The following NCKIPSD variants were observed in gnomAD, a reference collection of about 807,000 sequenced individuals.
NCKIPSD encodes NCK-interacting protein with SH3 domain.
In NCKIPSD, 48 loss-of-function variants were observed where a neutral mutation model predicts 73.4. The ratio of observed to expected loss-of-function variants is 0.65; its 90% confidence interval spans 0.52 to 0.83. NCKIPSD has a LOEUF of 0.83. NCKIPSD is among the 40% of genes least tolerant of loss of function. The pLI is 0.00. For missense variants in NCKIPSD, 884 were observed against 970.2 expected (o/e 0.91, Z 1.18); for synonymous variants, 422 against 403.6 (o/e 1.05, Z -0.54).
chr3:48,676,785 A>T (rs896213631), intron 12 of NCKIPSD, among the ~76,000 whole-genome samples: 4 of 149,784 alleles, frequency 2.7e-5, no homozygotes, highest in African/African-American at 9.9e-5. Context: ...GAGCCACTGC[A>T]CCTGGCCAAC....
chr3:48,682,696 C>A, intron 2 of NCKIPSD, 144 bp from the exon 3 acceptor site: 1 of 1,146,238 alleles, frequency 8.7e-7, no homozygotes, highest in African/African-American at 1.5e-5. Flanking sequence ...CCTACAGTAC[C>A]CCATACTATC....
At position 48,685,783 on chromosome 3, in the gene NCKIPSD, G is replaced by A; in HGVS notation, c.25C>T (p.Arg9Cys). 2 of 1,528,628 alleles carry A rather than the reference G, an allele frequency of 1.3e-6. No homozygotes were observed. Among genetic ancestry groups the A allele is most frequent in the Admixed American group, 2.0e-5 (1 of 50,024 alleles). The allele number at this position is 1,528,628 out of a possible 1,614,324, so 94.7% of individuals were successfully genotyped here. The stretch of plus-strand genomic sequence containing the variant: ...GCCAGCGCGTTGGGCTCCGCCGAGC[G>A]GAACGCGTACAGCGCGCGGTACATG... MYRALYAF[R>C]SAEPNALAFA... The change falls in exon 1 of 13, where the codon CGC becomes TGC. Residue 9 changes from arginine to cysteine, a missense_variant. Transcript: ENST00000294129.
At position 48,685,626 on chromosome 3, in the gene NCKIPSD, G is replaced by A. The variant is rs1419136842; in HGVS notation, c.171+11C>T. On this transcript the variant is annotated intron_variant, in intron 1 of 12. Transcript: ENST00000294129. ...GGGGCGCGGAGGCCGGGCGGGAAGGGGCGCACTCACCTGCAGGCGGCGCAG... is the reference window on the plus strand; with the variant it reads ...GGGGCGCGGAGGCCGGGCGGGAAGGAGCGCACTCACCTGCAGGCGGCGCAG... 1 of 1,518,208 alleles carries A rather than the reference G, an allele frequency of 6.6e-7. No individual in the cohort carries two copies. The highest frequency in any genetic ancestry group is 1.2e-5 in the South Asian group (1 of 83,108). The allele number at this position is 1,518,208 out of a possible 1,614,324, so 94.0% of individuals were successfully genotyped here.
intron 5 of NCKIPSD, 116 bp downstream of exon 5, chr3:48,681,171 A>C (rs184572931): frequency 1.9e-5 from 27 of 1,435,742 alleles, no homozygotes; most frequent in Non-Finnish European, 2.4e-5. Context: ...TGCCCAGCAC[A>C]GTAAGAGCTC....
Position 48,678,786 on chromosome 3 carries a change from G to C in NCKIPSD, c.1793-50C>G, listed in dbSNP as rs1300673689. The C allele has an allele frequency of 3.1e-6, 5 of 1,611,270 alleles. No individual in the cohort carries two copies. In the African/African-American group the frequency reaches 4.0e-5, roughly 13 times the overall value. ...CAGGGTGGACCTTGTGGGGATCCCAGAGTCACCCCAGGGGGTTACGGGAGT... is the reference window on the plus strand; with the variant it reads ...CAGGGTGGACCTTGTGGGGATCCCACAGTCACCCCAGGGGGTTACGGGAGT... On this transcript the variant is annotated intron_variant, in intron 11 of 12. Coordinates refer to ENST00000294129, the MANE Select transcript of NCKIPSD (RefSeq NM_016453.4).
intron 5 of NCKIPSD, 140 bp downstream of exon 5, chr3:48,681,147 C>T (rs776470981): frequency 1.5e-6 from 2 of 1,301,428 alleles, no homozygotes; most frequent in Non-Finnish European, 2.1e-6. Flanking sequence ...CAGAAATCAG[C>T]TCAACGTCCC....
chr3:48,678,805 CGG>C (rs2106747627), intron 11 of NCKIPSD, 69 bp from the exon 12 acceptor site: 3 of 1,612,448 alleles, frequency 1.9e-6, no homozygotes, highest in African/African-American at 2.7e-5. Flanking sequence ...CAGGGGGTTA[CGG>C]GAGTCATTGC....
In NCKIPSD at chr3:48,673,856, T is replaced by C. The variant is rs955520264; in HGVS notation, c.*688A>G. ...ACAGGGAAGCCTGTTTCCAGATGCC[T>C]GTGATTTATTTCCAAAGGAGAGCTA... On this transcript the variant is annotated 3_prime_UTR_variant, in exon 13 of 13. Coordinates refer to ENST00000294129, the MANE Select transcript of NCKIPSD (RefSeq NM_016453.4). 2.1e-5 allele frequency: 22 copies of C among 1,039,906 alleles called. No homozygotes were observed. Among genetic ancestry groups the C allele is most frequent in the Non-Finnish European group, 2.6e-5 (22 of 862,724 alleles). The allele number at this position is 1,039,906 out of a possible 1,614,324, so 64.4% of individuals were successfully genotyped here.
chr3:48,685,664 C>T lies in NCKIPSD; in HGVS notation c.144G>A (p.Val48=). Residue 48 remains valine (V), a synonymous_variant, in exon 1 of 13, where the codon GTG becomes GTA. Transcript: ENST00000294129. ...ARARSGETGY[V]PPAYLRRLQG... ...GCAGGCGGCGCAGGTAGGCTGGCGGCACGTAGCCCGTCTCACCACTGCGCG... is the reference window on the plus strand; with the variant it reads ...GCAGGCGGCGCAGGTAGGCTGGCGGTACGTAGCCCGTCTCACCACTGCGCG... 1 of 1,525,702 alleles carries T rather than the reference C, an allele frequency of 6.6e-7. No individual in the cohort carries two copies. The highest frequency in any genetic ancestry group is 2.0e-5 in the Admixed American group (1 of 50,372). The allele number at this position is 1,525,702 out of a possible 1,614,324, so 94.5% of individuals were successfully genotyped here.
chr3:48,685,842 A>G lies in NCKIPSD; in HGVS notation c.-35T>C. Reference sequence around the variant, plus strand: ...CAGGGCAGGTGCAGGGAAGGTGGCAAGGGCTGCGGCGCCACAACGCCAGGC... The same window carrying G: ...CAGGGCAGGTGCAGGGAAGGTGGCAGGGGCTGCGGCGCCACAACGCCAGGC... On this transcript the variant is annotated 5_prime_UTR_variant, in exon 1 of 13. Coordinates refer to ENST00000294129, the MANE Select transcript of NCKIPSD (RefSeq NM_016453.4). 1 of 1,375,890 alleles carries G rather than the reference A, an allele frequency of 7.3e-7. No homozygotes were observed. Among genetic ancestry groups the G allele is most frequent in the Non-Finnish European group, 9.3e-7 (1 of 1,069,858 alleles). The allele number at this position is 1,375,890 out of a possible 1,614,324, so 85.2% of individuals were successfully genotyped here. A position where few individuals can be genotyped will look rare whatever the true frequency, so the allele number is the denominator to read the frequency against.
intron 1 of NCKIPSD, 113 bp downstream of exon 1, chr3:48,685,524 G>T: frequency 7.7e-7 from 1 of 1,306,150 alleles, no homozygotes. Context: ...CTGTCTGATA[G>T]AGGTCCTGGC....
intron 2 of NCKIPSD, 147 bp from the exon 3 acceptor site, chr3:48,682,699 AT>A (rs1190322735): frequency 5.2e-6 from 6 of 1,152,398 alleles, no homozygotes; most frequent in Non-Finnish European, 6.2e-6. Context: ...ACAGTACCCC[AT>A]ACTATCCTCA....
intron 12 of NCKIPSD, among the ~76,000 whole-genome samples, 172 bp from the exon 13 acceptor site, chr3:48,674,919 G>A (rs184553249): frequency 6.6e-6 from 1 of 152,242 alleles, no homozygotes; most frequent in Non-Finnish European, 1.5e-5. Context: ...AATAGTTTTT[G>A]AGTAAGCGAA....
chr3:48,677,338 C>T (rs577270134), intron 12 of NCKIPSD, among the ~76,000 whole-genome samples: 4 of 151,804 alleles, frequency 2.6e-5, no homozygotes, highest in Non-Finnish European at 2.9e-5. Flanking sequence ...CAGTGAGCCA[C>T]GATCGTGCCA....
rs545029045 is a variant in NCKIPSD at position 48,683,979 on chromosome 3, G to GACACACACACACAC, written c.172-981_172-968dup. Among the ~76,000 whole-genome samples the GACACACACACACAC allele has an allele frequency of 1.1e-3, 150 of 131,180 alleles. 1 individual carries two copies. Among genetic ancestry groups the GACACACACACACAC allele is most frequent in the African/African-American group, 2.2e-3 (72 of 33,478 alleles). 86.1% of individuals were successfully genotyped at this position (131,180 alleles called of 152,430 possible). A position where few individuals can be genotyped will look rare whatever the true frequency, so the allele number is the denominator to read the frequency against. On this transcript the variant is annotated intron_variant, in intron 1 of 12. Transcript: ENST00000294129. ...AGACAGGGGGATAGAAAGACATGAA[G>GACACACACACACAC]ACACACACACACACACACACACACA... is the stretch of plus-strand genomic sequence containing the variant.
Position 48,681,909 on chromosome 3 carries a change from A to C in NCKIPSD, c.599-129T>G, listed in dbSNP as rs553367923. 2.6e-4 allele frequency: 385 copies of C among 1,466,320 alleles called. 1 individual carries two copies. The African/African-American group carries it at 4.8e-3, about 18-fold the overall frequency. The allele number at this position is 1,466,320 out of a possible 1,614,324, so 90.8% of individuals were successfully genotyped here. A position where few individuals can be genotyped will look rare whatever the true frequency, so the allele number is the denominator to read the frequency against. On this transcript the variant is annotated intron_variant, in intron 4 of 12. Transcript: ENST00000294129. Reference sequence around the variant, plus strand: ...TAGGCACTGCCTCCTCACAAAGCCCAGAGCCCCTAATTGCCCCAAAATGGG... The same window carrying C: ...TAGGCACTGCCTCCTCACAAAGCCCCGAGCCCCTAATTGCCCCAAAATGGG...
chr3:48,679,974 G>A, intron 6 of NCKIPSD, 85 bp downstream of exon 6: 1 of 1,610,486 alleles, frequency 6.2e-7, no homozygotes, highest in Non-Finnish European at 8.5e-7. Flanking sequence ...TATGTGTAGG[G>A]GAGACTCCTA....
intron 5 of NCKIPSD, 199 bp downstream of exon 5, chr3:48,681,088 T>C: frequency 2.5e-6 from 2 of 785,698 alleles, no homozygotes; most frequent in South Asian, 4.1e-5. Context: ...CTTGTGGCCC[T>C]TGTCCAGGCT....
intron 1 of NCKIPSD, among the ~76,000 whole-genome samples, chr3:48,684,801 A>G (rs1035073855): frequency 1.3e-5 from 2 of 152,204 alleles, no homozygotes; most frequent in African/African-American, 4.8e-5. Flanking sequence ...AGGAGAAGCT[A>G]TAAGAACTCA....
Sources: gnomAD v4.1 joint callset for allele counts (sites outside exome capture counted in the v4.1 genomes callset) on GRCh38, gnomAD v4.1.1 for gene constraint, MANE v1.5 for transcripts, NCBI Gene and HGNC (gene_info 2026-07-23, HGNC 2026-07-21) for gene names.